The following UBE2J2 variants were observed in gnomAD, a reference collection of about 807,000 sequenced individuals.
UBE2J2 encodes the protein ubiquitin-conjugating enzyme E2 J2.
Under a neutral mutation model 28.6 loss-of-function variants are expected in UBE2J2, and 5 were observed. That is an observed-to-expected ratio of 0.17 (90% CI 0.09 to 0.37). The LOEUF is 0.37. Among genes scored for constraint, UBE2J2 ranks in the 10% least tolerant of loss-of-function variants. The probability of loss-of-function intolerance (pLI) is 1.00; values close to 1 mark genes in which losing one functional copy is unlikely to be tolerated. For missense variants in UBE2J2, 226 were observed against 338.9 expected (o/e 0.67, Z 2.62); for synonymous variants, 138 against 139.7 (o/e 0.99, Z 0.09).
intron 1 of UBE2J2, among the ~76,000 whole-genome samples, chr1:1,271,992 A>T (rs1447664342): frequency 6.7e-6 from 1 of 148,204 alleles, no homozygotes; most frequent in African/African-American, 2.5e-5. Flanking sequence ...AAAAAAAAAA[A>T]AAAAAAAAAA....
intron 5 of UBE2J2, among the ~76,000 whole-genome samples, chr1:1,256,712 T>C (rs1475815208): frequency 6.6e-6 from 1 of 150,980 alleles, no homozygotes; most frequent in Non-Finnish European, 1.5e-5. Context: ...AAACCCCGTC[T>C]CTACTAAAAA....
Position 1,268,067 on chromosome 1 carries a change from TCCCG to T in UBE2J2, c.1-79_1-76del. Reference sequence around the variant, plus strand: ...GCTCTCTCCCCTGGCGCAGCCCCACTCCCGCCTCTGCAGCCCGCCATTCATTCAG... The same window carrying T: ...GCTCTCTCCCCTGGCGCAGCCCCACTCCTCTGCAGCCCGCCATTCATTCAG... On this transcript the variant is annotated intron_variant, in intron 1 of 6. Transcript: ENST00000349431. This position sits in a 1 kb window ranked among gnomAD's most constrained non-coding sequence, Gnocchi z 4.7. The T allele has an allele frequency of 6.4e-7, 1 of 1,554,752 alleles. No homozygotes were observed. The highest frequency in any genetic ancestry group is 8.7e-7 in the Non-Finnish European group (1 of 1,143,876).
chr1:1,261,964 T>G (rs1401771460), intron 3 of UBE2J2, among the ~76,000 whole-genome samples: 4 of 152,146 alleles, frequency 2.6e-5, no homozygotes, highest in African/African-American at 4.8e-5. Flanking sequence ...TTCAAGTGAT[T>G]CTCCTGCCTC....
At chr1:1,265,646 T>TGTGTGTGTGTGTGTGTGG in intron 2 of UBE2J2, among the ~76,000 whole-genome samples, 1 of 148,592 alleles carries the variant, frequency 6.7e-6, no homozygotes, top group South Asian at 2.1e-4. Flanking sequence ...TGTGTGTGTG[T>TGTGTGTGTGTGTGTGTGG]GTGGTGGAGT....
At position 1,256,059 on chromosome 1, in the gene UBE2J2, G is replaced by T. The variant is rs749861332; in HGVS notation, c.481C>A (p.Pro161Thr). ...LKDKVFCELF[P>T]EVVEEIKQKQ... is the part of the protein sequence containing the mutation. ...GTCTTTCTTACCTCCACGACTTCAG[G>T]AAATAATTCACAAAAGACTTTATCT... The change falls in exon 6 of 7, where the codon CCT becomes ACT. Residue 161 changes from proline (P) to threonine (T), a missense_variant. Around this residue, in one of 3 missense-constraint regions of UBE2J2, gnomAD observed 133 missense variants for 161.5 expected, o/e 0.82. Coordinates refer to ENST00000349431, the MANE Select transcript of UBE2J2 (RefSeq NM_058167.3). 3 of 1,612,616 alleles carry T rather than the reference G, an allele frequency of 1.9e-6. No individual in the cohort carries two copies. Among genetic ancestry groups the T allele is most frequent in the Non-Finnish European group, 2.5e-6 (3 of 1,178,758 alleles).
At position 1,268,001 on chromosome 1, in the gene UBE2J2, A is replaced by C. The variant is rs1419527033; in HGVS notation, c.1-9T>G. On this transcript the variant is annotated splice_polypyrimidine_tract_variant and intron_variant, in intron 1 of 6. Transcript: ENST00000349431. This position sits in a 1 kb window ranked among gnomAD's most constrained non-coding sequence, Gnocchi z 4.7. ...CTGCTGGTGCTGCTCATCTGTTAAA[A>C]GCAACGTCTACACTGACGACGAGAA... is the stretch of plus-strand genomic sequence containing the variant. 2 of 1,613,766 alleles carry C rather than the reference A, an allele frequency of 1.2e-6. No individual in the cohort carries two copies.
At chr1:1,261,850 G>T (rs12096828) in intron 3 of UBE2J2, among the ~76,000 whole-genome samples, 2 of 150,160 alleles carry the variant, frequency 1.3e-5, no homozygotes, top group Non-Finnish European at 2.9e-5. Flanking sequence ...AGGTTTCACC[G>T]TATTAGCAAG....
Position 1,266,637 on chromosome 1 carries a change from C to T in UBE2J2, c.131+1225G>A, listed in dbSNP as rs187284152. On this transcript the variant is annotated intron_variant, in intron 2 of 6. Transcript: ENST00000349431. ...GAGATCAAGACCATCCTGGCTAACA[C>T]GGTGAAACCCCGTCTCTACTAAAAA... Among the ~76,000 whole-genome samples the T allele has an allele frequency of 7.3e-3, 1,104 of 151,770 alleles. 10 individuals are homozygous for T. Among genetic ancestry groups the T allele is most frequent in the African/African-American group, 0.025 (1,016 of 41,426 alleles).
intron 2 of UBE2J2, among the ~76,000 whole-genome samples, chr1:1,267,410 C>T (rs1050070681): frequency 5.9e-5 from 9 of 152,168 alleles, no homozygotes; most frequent in Non-Finnish European, 8.8e-5. Flanking sequence ...CTGTCAAATA[C>T]TCCAAGCCAA....
intron 2 of UBE2J2, among the ~76,000 whole-genome samples, chr1:1,266,763 C>G (rs1639893287): frequency 1.3e-5 from 2 of 151,678 alleles, no homozygotes; most frequent in Non-Finnish European, 2.9e-5. Context: ...GCAGGCAGAG[C>G]TTGCAGTGAG....
Position 1,268,836 on chromosome 1 carries a change from CCTAG to C in UBE2J2, c.1-848_1-845del, listed in dbSNP as rs1390666535. Among the ~76,000 whole-genome samples the C allele has an allele frequency of 3.3e-5, 5 of 151,920 alleles. No homozygotes were observed. The highest frequency in any genetic ancestry group is 6.5e-5 in the Admixed American group (1 of 15,288). On this transcript the variant is annotated intron_variant, in intron 1 of 6. Coordinates refer to ENST00000349431, the MANE Select transcript of UBE2J2 (RefSeq NM_058167.3). The surrounding 1 kb of genome is among the most constrained non-coding windows in gnomAD (Gnocchi z 4.7). ...GAGACTACAGACGCATGCCACCACG[CCTAG>C]CTAATTTTTTTTTTTTTGTAGAGCT...
At chr1:1,255,819 C>T (rs549905479) in intron 6 of UBE2J2, among the ~76,000 whole-genome samples, 14 of 152,350 alleles carry the variant, frequency 9.2e-5, no homozygotes, top group African/African-American at 2.6e-4. Context: ...ACGAGCTCCA[C>T]GCCCCTGTGG....
At chr1:1,269,102 T>A (rs1265256523) in intron 1 of UBE2J2, among the ~76,000 whole-genome samples, 1 of 151,314 alleles carries the variant, frequency 6.6e-6, no homozygotes, top group Admixed American at 6.6e-5. Context: ...CGAGGCACCA[T>A]GCAAGAGAGG....
intron 3 of UBE2J2, 43 bp downstream of exon 3, chr1:1,263,303 T>C: frequency 3.2e-6 from 5 of 1,585,616 alleles, no homozygotes; most frequent in Non-Finnish European, 4.3e-6. Flanking sequence ...ACTGAGAATA[T>C]AAAAACCGCC....
At chr1:1,256,888 GAAAAAAAAAA>G (rs57305655) in intron 5 of UBE2J2, 94 bp downstream of exon 5, 25 of 513,874 alleles carry the variant, frequency 4.9e-5, no homozygotes, top group Admixed American at 1.2e-4. Context: ...TCCGTCTCAA[GAAAAAAAAAA>G]AAAAAAAAAA....
At chr1:1,256,540 A>G (rs1243720316) in intron 5 of UBE2J2, among the ~76,000 whole-genome samples, 1 of 152,234 alleles carries the variant, frequency 6.6e-6, no homozygotes, top group Non-Finnish European at 1.5e-5. Context: ...TCTCCACGAC[A>G]GTGCCTGGGA....
chr1:1,272,179 A>G (rs1438191623), intron 1 of UBE2J2, among the ~76,000 whole-genome samples: 6 of 151,962 alleles, frequency 3.9e-5, no homozygotes, highest in African/African-American at 7.2e-5. Context: ...AAGGAAGCAA[A>G]CTGTGAGAAC....
chr1:1,257,961 C>G (rs1639307029), intron 3 of UBE2J2, among the ~76,000 whole-genome samples: 3 of 152,158 alleles, frequency 2.0e-5, no homozygotes, highest in Admixed American at 1.3e-4. Context: ...TCCACCTGAC[C>G]AGGCTTTCTC....
chr1:1,256,724 A>C (rs1419490341), intron 5 of UBE2J2, among the ~76,000 whole-genome samples: 1 of 151,688 alleles, frequency 6.6e-6, no homozygotes, highest in South Asian at 2.1e-4. Context: ...TACTAAAAAT[A>C]CAAAAAAAAA....
Sources: gnomAD v4.1 joint callset for allele counts (sites outside exome capture counted in the v4.1 genomes callset) on GRCh38, gnomAD v4.1.1 for gene constraint, gnomAD v4.1.1 regional missense constraint, Gnocchi (gnomAD v3.1) non-coding constraint, MANE v1.5 for transcripts, NCBI Gene and HGNC (gene_info 2026-07-23, HGNC 2026-07-21) for gene names.